Variants in FAT3 observed in about 807,000 individuals in gnomAD.
FAT3 encodes the protein protocadherin Fat 3.
FAT3 carries 95 observed loss-of-function variants against 310.2 expected under a neutral mutation model. That is an observed-to-expected ratio of 0.31 (90% CI 0.26 to 0.36). The LOEUF (loss-of-function observed/expected upper bound fraction) is 0.36, where lower values mean the gene tolerates loss of function less well. Ranked by LOEUF, FAT3 falls within the 10% of genes least tolerant of loss-of-function variation. FAT3 has a pLI of 1.00. For synonymous variants in FAT3, 2,314 were observed against 2,192.9 expected (o/e 1.06, Z -1.54); for missense variants, 5,408 against 5,715.6 (o/e 0.95, Z 1.74).
intron 1 of FAT3, among the ~76,000 whole-genome samples, chr11:92,282,987 T>C (rs960961208): frequency 1.4e-4 from 22 of 152,134 alleles, no homozygotes; most frequent in Admixed American, 9.8e-4. Flanking sequence ...CACCAACAGA[T>C]ATACTAAATT....
At chr11:92,773,739 C>T (rs943870821) in intron 6 of FAT3, among the ~76,000 whole-genome samples, 2 of 152,100 alleles carry the variant, frequency 1.3e-5, no homozygotes, top group African/African-American at 4.8e-5. Context: ...AGTTGAAGGG[C>T]CTTTAGGTTT....
chr11:92,282,660 A>T (rs1383361431), intron 1 of FAT3, among the ~76,000 whole-genome samples: 2 of 24,000 alleles, frequency 8.3e-5, no homozygotes, highest in African/African-American at 6.4e-4. Context: ...CAAAAAATAA[A>T]AAAAAAAAAA....
At position 92,261,121 on chromosome 11, in the gene FAT3, C is replaced by T. The variant is rs185545430; in HGVS notation, c.-18+35947C>T. On this transcript the variant is annotated intron_variant, in intron 1 of 27. Coordinates refer to ENST00000525166, the MANE Select transcript of FAT3 (RefSeq NM_001367949.2). ...ATGAGTGTTGTCCCCATAAATCATC[C>T]TAGATCCCTGTGCTCAGGAAATCTG... 2.0e-5 allele frequency among the ~76,000 whole-genome samples: 3 copies of T among 152,124 alleles called. No homozygotes were observed. The East Asian group carries it at 5.8e-4, about 29-fold the overall frequency.
Position 92,351,652 on chromosome 11 carries a change from A to G in FAT3, c.-17-444A>G, listed in dbSNP as rs185641462. Among the ~76,000 whole-genome samples, 684 of 145,662 alleles carry G rather than the reference A, an allele frequency of 4.7e-3. 9 individuals carry two copies. Among genetic ancestry groups the G allele is most frequent in the African/African-American group, 0.018 (647 of 36,362 alleles). On this transcript the variant is annotated intron_variant, in intron 1 of 27. Coordinates refer to ENST00000525166, the MANE Select transcript of FAT3 (RefSeq NM_001367949.2). Reference sequence around the variant, plus strand: ...ATTATTCAGTCCTCTATTGATAGGCATTTAGCATCTCTTCATTTTTTTTTT... The same window carrying G: ...ATTATTCAGTCCTCTATTGATAGGCGTTTAGCATCTCTTCATTTTTTTTTT...
Position 92,412,718 on chromosome 11 carries a change from TATATATATATATATATATATATATATAA to T in FAT3, c.3292+57320_3292+57347del, listed in dbSNP as rs1210300717. On this transcript the variant is annotated intron_variant, in intron 2 of 27. Transcript: ENST00000525166. ...GATGGTGGTGATATATATATATATA[TATATATATATATATATATATATATATAA>T]ATATACATACATATATATATATTTA... 2.2e-3 allele frequency among the ~76,000 whole-genome samples: 62 copies of T among 27,888 alleles called. 4 individuals are homozygous for T. The highest frequency in any genetic ancestry group is 5.6e-3 in the African/African-American group (60 of 10,622). The allele number at this position is 27,888 out of a possible 152,430, so 18.3% of individuals were successfully genotyped here. A position where few individuals can be genotyped will look rare whatever the true frequency, so the allele number is the denominator to read the frequency against.
At position 92,838,434 on chromosome 11, in the gene FAT3, T is replaced by A. The variant is rs1352349152; in HGVS notation, c.10368+628T>A. Among the ~76,000 whole-genome samples, 50 of 152,050 alleles carry A rather than the reference T, an allele frequency of 3.3e-4. 1 individual carries two copies. The highest frequency in any genetic ancestry group is 3.1e-3 in the Admixed American group (48 of 15,256). On this transcript the variant is annotated intron_variant, in intron 17 of 27. Transcript: ENST00000525166. ...GCTGGTATTCTGCTATAAGAGAGAG[T>A]GACTCTTCTTCCCATCTATTTTTTA...
At chr11:92,433,931 G>C (rs1950861707) in intron 2 of FAT3, among the ~76,000 whole-genome samples, 1 of 151,816 alleles carries the variant, frequency 6.6e-6, no homozygotes, top group African/African-American at 2.4e-5. Context: ...CAGGATAATG[G>C]CGTGAACCCG....
intron 12 of FAT3, among the ~76,000 whole-genome samples, chr11:92,808,940 A>G (rs948429722): frequency 6.6e-6 from 1 of 152,134 alleles, no homozygotes; most frequent in Admixed American, 6.6e-5. Context: ...AAATAAATAA[A>G]TAAAATAAAT....
At chr11:92,298,102 G>A (rs1363987949) in intron 1 of FAT3, among the ~76,000 whole-genome samples, 1 of 152,058 alleles carries the variant, frequency 6.6e-6, no homozygotes, top group Non-Finnish European at 1.5e-5. Context: ...GTGGAGATGG[G>A]TAATTGGAAA....
chr11:92,343,481 A>T (rs1393747900), intron 1 of FAT3, among the ~76,000 whole-genome samples: 1 of 152,140 alleles, frequency 6.6e-6, no homozygotes, highest in East Asian at 1.9e-4. Flanking sequence ...TTGGTTTTGT[A>T]TTTCAGGATA....
intron 3 of FAT3, among the ~76,000 whole-genome samples, chr11:92,683,473 C>T (rs1314819690): frequency 6.6e-6 from 1 of 152,154 alleles, no homozygotes. Context: ...TGGAAAACTT[C>T]TACTCATCCC....
intron 3 of FAT3, among the ~76,000 whole-genome samples, chr11:92,672,008 A>C (rs1943144417): frequency 6.6e-6 from 1 of 152,262 alleles, no homozygotes; most frequent in East Asian, 1.9e-4. Flanking sequence ...AATCCCAGCT[A>C]TTCAGGAGGC....
At chr11:92,845,788 GC>G (rs948399677) in intron 19 of FAT3, among the ~76,000 whole-genome samples, 22 of 152,304 alleles carry the variant, frequency 1.4e-4, no homozygotes, top group African/African-American at 5.1e-4. Context: ...GACAGGCAGG[GC>G]CCCGGCCTCT....
At chr11:92,591,776 C>G (rs1034438078) in intron 3 of FAT3, among the ~76,000 whole-genome samples, 8 of 152,146 alleles carry the variant, frequency 5.3e-5, no homozygotes, top group South Asian at 2.1e-4. Context: ...TAGCAAGAAT[C>G]TAGCTTTTGA....
chr11:92,494,472 C>G (rs1024678189), intron 2 of FAT3, among the ~76,000 whole-genome samples: 3 of 152,040 alleles, frequency 2.0e-5, no homozygotes, highest in African/African-American at 2.4e-5. Context: ...TCTGAGTACA[C>G]TGTAGCTTCT....
chr11:92,860,700 T>C (rs912320927), intron 21 of FAT3, among the ~76,000 whole-genome samples: 8 of 152,164 alleles, frequency 5.3e-5, no homozygotes, highest in African/African-American at 1.9e-4. Context: ...CAGATCCAAG[T>C]TGATTAGGTG....
chr11:92,489,245 C>T (rs532401383), intron 2 of FAT3, among the ~76,000 whole-genome samples: 1 of 152,224 alleles, frequency 6.6e-6, no homozygotes, highest in East Asian at 1.9e-4. Flanking sequence ...AGCCCTAGCA[C>T]TTAGGGCAGT....
chr11:92,580,743 G>A (rs1938746992), intron 3 of FAT3, among the ~76,000 whole-genome samples: 1 of 152,174 alleles, frequency 6.6e-6, no homozygotes, highest in Admixed American at 6.5e-5. Context: ...CAAACTGAAT[G>A]TTTCTGGCTA....
chr11:92,469,902 T>C (rs1951864362), intron 2 of FAT3, among the ~76,000 whole-genome samples: 1 of 152,226 alleles, frequency 6.6e-6, no homozygotes, highest in Non-Finnish European at 1.5e-5. Flanking sequence ...TATTAGACTT[T>C]TAATCAAGAC....
Sources: allele counts gnomAD v4.1 joint callset (sites outside exome capture counted in the v4.1 genomes callset), GRCh38; gene constraint gnomAD v4.1.1; transcripts MANE v1.5; gene names NCBI Gene and HGNC (gene_info 2026-07-23, HGNC 2026-07-21).